TSPAN9: variants seen among roughly 807,000 people sequenced by gnomAD.
The protein encoded by TSPAN9 is tetraspanin-9.
TSPAN9 carries 16 observed loss-of-function variants against 31.0 expected under a neutral mutation model. That is an observed-to-expected ratio of 0.52 (90% CI 0.35 to 0.78). The LOEUF (loss-of-function observed/expected upper bound fraction) is 0.78. TSPAN9 is among the 30% of genes least tolerant of loss of function. The pLI is 0.01. For synonymous variants in TSPAN9, 145 were observed against 121.6 expected (o/e 1.19, Z -1.27); for missense variants, 272 against 312.5 (o/e 0.87, Z 0.98).
rs1227911725 is a variant in TSPAN9, at chr12:3,192,416, G to A, written c.-17-8761G>A. 1.3e-5 allele frequency among the ~76,000 whole-genome samples: 2 copies of A among 152,154 alleles called. No homozygotes were observed. The highest frequency in any genetic ancestry group is 2.9e-5 in the Non-Finnish European group (2 of 68,034). On this transcript the variant is annotated intron_variant, in intron 2 of 8. Coordinates refer to ENST00000011898, the MANE Select transcript of TSPAN9 (RefSeq NM_006675.5). The surrounding 1 kb of genome is among the most constrained non-coding windows in gnomAD (Gnocchi z 4.6). ...GGACAAGGGCGGGGACGAGGAGGAT[G>A]CCAGGTGCAGGGAGGCTCTGCGGCT...
intron 2 of TSPAN9, among the ~76,000 whole-genome samples, chr12:3,140,595 A>G (rs1286004418): frequency 1.3e-5 from 2 of 152,082 alleles, no homozygotes; most frequent in African/African-American, 2.4e-5. Context: ...TGGGGTGGTG[A>G]GGAGGCGTTT....
At chr12:3,079,461 A>G (rs1384639070) in intron 1 of TSPAN9, among the ~76,000 whole-genome samples, 1 of 150,550 alleles carries the variant, frequency 6.6e-6, no homozygotes. Flanking sequence ...CTTCTATTTT[A>G]TTTATTTATT....
intron 2 of TSPAN9, among the ~76,000 whole-genome samples, chr12:3,181,138 C>T (rs920687017): frequency 8.5e-5 from 13 of 152,146 alleles, no homozygotes; most frequent in Admixed American, 2.0e-4. Flanking sequence ...GAGCGGCTGG[C>T]GCCCGGGAGA....
intron 1 of TSPAN9, among the ~76,000 whole-genome samples, chr12:3,082,079 C>A (rs532195503): frequency 6.6e-6 from 1 of 151,918 alleles, no homozygotes; most frequent in Non-Finnish European, 1.5e-5. Context: ...GGCTTATAAG[C>A]CAGTAAAGAG....
intron 3 of TSPAN9, among the ~76,000 whole-genome samples, chr12:3,217,319 C>G (rs1487688355): frequency 1.3e-5 from 2 of 152,176 alleles, no homozygotes; most frequent in Non-Finnish European, 2.9e-5. Flanking sequence ...AGATCTTGCA[C>G]TCTACGTGAC....
intron 3 of TSPAN9, among the ~76,000 whole-genome samples, chr12:3,211,034 C>A (rs540460059): frequency 1.3e-5 from 2 of 152,300 alleles, no homozygotes; most frequent in African/African-American, 4.8e-5. Context: ...ACGTGAGCCA[C>A]GGCGCCCTGC....
chr12:3,094,820 C>A (rs2098306998), intron 2 of TSPAN9, among the ~76,000 whole-genome samples: 1 of 148,898 alleles, frequency 6.7e-6, no homozygotes, highest in Admixed American at 6.7e-5. Flanking sequence ...CAGGCGTGAG[C>A]CAACACGCCC....
chr12:3,274,512 C>T (rs1480462494), intron 3 of TSPAN9, among the ~76,000 whole-genome samples: 1 of 152,194 alleles, frequency 6.6e-6, no homozygotes. Flanking sequence ...GACATGGGAC[C>T]TGTGGCGAAG....
At chr12:3,255,503 A>G (rs565213001) in intron 3 of TSPAN9, among the ~76,000 whole-genome samples, 1 of 152,200 alleles carries the variant, frequency 6.6e-6, no homozygotes, top group Non-Finnish European at 1.5e-5. Flanking sequence ...CTTTGCCACC[A>G]TATTCCTGAG....
chr12:3,142,006 G>A (rs1255853195), intron 2 of TSPAN9, among the ~76,000 whole-genome samples: 1 of 152,212 alleles, frequency 6.6e-6, no homozygotes, highest in Non-Finnish European at 1.5e-5. Flanking sequence ...GCATAGCAAG[G>A]CTTGGTGTCA....
intron 3 of TSPAN9, among the ~76,000 whole-genome samples, chr12:3,263,832 G>A (rs1353187785): frequency 6.6e-6 from 1 of 152,184 alleles, no homozygotes; most frequent in African/African-American, 2.4e-5. Flanking sequence ...GAAGAGGTGG[G>A]GCTTCAGCTG....
intron 2 of TSPAN9, among the ~76,000 whole-genome samples, chr12:3,128,751 T>A (rs190473784): frequency 1.4e-3 from 219 of 152,372 alleles, no homozygotes; most frequent in African/African-American, 4.7e-3. Context: ...ACCATCATTA[T>A]ATTTTGGAAT....
chr12:3,144,861 C>A (rs948216082), intron 2 of TSPAN9, among the ~76,000 whole-genome samples: 31 of 152,376 alleles, frequency 2.0e-4, no homozygotes, highest in Admixed American at 7.8e-4. Context: ...AAAATTAGAA[C>A]CCAAAAAGCT....
At chr12:3,268,825 C>T (rs1220949247) in intron 3 of TSPAN9, among the ~76,000 whole-genome samples, 2 of 80,532 alleles carry the variant, frequency 2.5e-5, no homozygotes, top group Admixed American at 1.3e-4. Context: ...ACCTGCCCTC[C>T]GTGCATTCCT....
At chr12:3,079,258 C>G (rs977307624) in intron 1 of TSPAN9, among the ~76,000 whole-genome samples, 1 of 152,092 alleles carries the variant, frequency 6.6e-6, no homozygotes, top group Admixed American at 6.5e-5. Flanking sequence ...GGATTATAGG[C>G]GTGAGCCACC....
chr12:3,258,608 TTC>T (rs1414757657), intron 3 of TSPAN9, among the ~76,000 whole-genome samples: 1 of 138,512 alleles, frequency 7.2e-6, no homozygotes, highest in African/African-American at 3.1e-5. Flanking sequence ...ATTTCTTATC[TTC>T]CCTCCTCCTC....
At chr12:3,263,990 C>T (rs4766085) in intron 3 of TSPAN9, among the ~76,000 whole-genome samples, 59,266 of 151,932 alleles carry the variant, frequency 0.39, 13,546 homozygotes, top group South Asian at 0.59. Context: ...AGCAAGGAGG[C>T]TCTGTGAGAG....
At chr12:3,123,175 A>T (rs1463387059) in intron 2 of TSPAN9, among the ~76,000 whole-genome samples, 1 of 152,088 alleles carries the variant, frequency 6.6e-6, no homozygotes, top group Non-Finnish European at 1.5e-5. Flanking sequence ...GAACAACAGG[A>T]GATTTGTCCA....
At chr12:3,205,632 C>A (rs1331908515) in intron 3 of TSPAN9, among the ~76,000 whole-genome samples, 1 of 151,912 alleles carries the variant, frequency 6.6e-6, no homozygotes, top group African/African-American at 2.4e-5. Context: ...AGGGTCCCAG[C>A]AGGGAGCTTG....
Sources: allele counts gnomAD v4.1 joint callset (sites outside exome capture counted in the v4.1 genomes callset), GRCh38; gene constraint gnomAD v4.1.1; non-coding constraint Gnocchi (gnomAD v3.1); transcripts MANE v1.5; gene names NCBI Gene and HGNC (gene_info 2026-07-23, HGNC 2026-07-21).